Variants in THEMIS observed in about 807,000 individuals in gnomAD.
The protein encoded by THEMIS is protein THEMIS.
A neutral mutation model predicts 52.6 loss-of-function variants in THEMIS; 37 were observed. The ratio of observed to expected loss-of-function variants is 0.70; its 90% confidence interval spans 0.54 to 0.93. The LOEUF (loss-of-function observed/expected upper bound fraction) is 0.93, where lower values mean the gene tolerates loss of function less well. Among genes scored for constraint, THEMIS ranks in the 40% least tolerant of loss-of-function variants. The pLI is 0.00. For missense variants in THEMIS, 808 were observed against 763.1 expected (o/e 1.06, Z -0.69); for synonymous variants, 292 against 272.7 (o/e 1.07, Z -0.70).
intron 4 of THEMIS, among the ~76,000 whole-genome samples, chr6:127,764,398 A>C (rs1025489515): frequency 3.0e-4 from 45 of 152,106 alleles, no homozygotes; most frequent in African/African-American, 1.1e-3. Context: ...TTAAAACATT[A>C]AAAAGTGGTT....
chr6:127,766,051 T>C (rs1378366707), intron 4 of THEMIS, among the ~76,000 whole-genome samples: 1 of 152,126 alleles, frequency 6.6e-6, no homozygotes, highest in Non-Finnish European at 1.5e-5. Flanking sequence ...CAGATCAAAA[T>C]TTAGCACCCC....
intron 4 of THEMIS, among the ~76,000 whole-genome samples, chr6:127,727,484 T>A (rs1336622929): frequency 1.3e-5 from 2 of 152,164 alleles, no homozygotes; most frequent in African/African-American, 4.8e-5. Context: ...AACTGTGGTG[T>A]ACTTTATAAT....
chr6:127,715,130 A>G (rs1774112655), intron 5 of THEMIS, among the ~76,000 whole-genome samples: 1 of 151,952 alleles, frequency 6.6e-6, no homozygotes. Context: ...ATAGGTTGCT[A>G]TAAAATGAAG....
At chr6:127,752,868 A>C (rs993667739) in intron 4 of THEMIS, among the ~76,000 whole-genome samples, 2 of 151,910 alleles carry the variant, frequency 1.3e-5, no homozygotes, top group African/African-American at 4.8e-5. Context: ...ACAAGAACCC[A>C]AAAAATAGAA....
chr6:127,901,336 C>T (rs1781129538), upstream of THEMIS, among the ~76,000 whole-genome samples: 1 of 152,118 alleles, frequency 6.6e-6, no homozygotes, highest in East Asian at 1.9e-4. Context: ...CAACAAAGAA[C>T]AGGAATATAG....
chr6:127,728,188 C>A (rs978061127), intron 4 of THEMIS, among the ~76,000 whole-genome samples: 1 of 152,092 alleles, frequency 6.6e-6, no homozygotes, highest in African/African-American at 2.4e-5. Context: ...CCTCATTGTT[C>A]GTCAGAATTT....
intron 3 of THEMIS, among the ~76,000 whole-genome samples, chr6:127,822,820 T>A (rs561127595): frequency 7.2e-5 from 11 of 152,034 alleles, no homozygotes; most frequent in Non-Finnish European, 1.5e-4. Context: ...CAGTTGGTGG[T>A]CTTAAGAGCA....
At chr6:127,712,123 C>G (rs1403709418) in intron 5 of THEMIS, among the ~76,000 whole-genome samples, 2 of 151,940 alleles carry the variant, frequency 1.3e-5, no homozygotes, top group African/African-American at 4.8e-5. Context: ...AATCTGTCAT[C>G]TTGACAGTTA....
intron 4 of THEMIS, among the ~76,000 whole-genome samples, chr6:127,762,337 T>C (rs965987087): frequency 1.3e-5 from 2 of 152,070 alleles, no homozygotes; most frequent in African/African-American, 4.8e-5. Flanking sequence ...ATGGTATCTA[T>C]ATTCAACAAT....
At chr6:127,748,922 C>A (rs1326197840) in intron 4 of THEMIS, among the ~76,000 whole-genome samples, 2 of 151,956 alleles carry the variant, frequency 1.3e-5, no homozygotes, top group East Asian at 3.9e-4. Context: ...GATGTGAGCA[C>A]CCATCTTAGT....
In THEMIS at chr6:127,813,495, G is replaced by T; in HGVS notation, c.1146C>A (p.Ser382=). Residue 382 remains serine, a synonymous_variant, in exon 4 of 6, where the codon TCC becomes TCA. Transcript: ENST00000368248. ...CCAGAAACTGGTCCCCAACAGATAC[G>T]GATGACAGCTTGTCATGAGGGGAAT... The part of the protein sequence containing the change: ...AFHSPHDKLS[S]VSVGDQFLVH... 6.2e-7 allele frequency: 1 copy of T among 1,613,860 alleles called. No homozygotes were observed. Among genetic ancestry groups the T allele is most frequent in the South Asian group, 1.1e-5 (1 of 91,038 alleles).
chr6:127,816,724 C>T (rs1163913490), intron 3 of THEMIS, among the ~76,000 whole-genome samples: 1 of 152,144 alleles, frequency 6.6e-6, no homozygotes, highest in Non-Finnish European at 1.5e-5. Context: ...TAATTTATGT[C>T]TGTCTTCTGT....
intron 4 of THEMIS, among the ~76,000 whole-genome samples, chr6:127,779,771 G>T (rs1318921342): frequency 1.3e-5 from 2 of 152,048 alleles, no homozygotes; most frequent in East Asian, 3.9e-4. Flanking sequence ...GCCTTTAGTT[G>T]CTCCACCAGT....
chr6:127,843,089 A>C (rs924386453), intron 2 of THEMIS, among the ~76,000 whole-genome samples: 3 of 152,012 alleles, frequency 2.0e-5, no homozygotes, highest in Non-Finnish European at 4.4e-5. Context: ...TAAATCTATG[A>C]AACATATGAA....
intron 4 of THEMIS, among the ~76,000 whole-genome samples, chr6:127,785,108 A>G (rs1325910298): frequency 1.3e-5 from 2 of 151,330 alleles, no homozygotes; most frequent in Non-Finnish European, 3.0e-5. Context: ...TCATCTATCT[A>G]CCTACCTAAT....
intron 4 of THEMIS, among the ~76,000 whole-genome samples, chr6:127,734,896 A>AAAAAAAATATATAT (rs1554216674): frequency 1.5e-5 from 1 of 65,424 alleles, no homozygotes; most frequent in African/African-American, 5.5e-5. Context: ...AAAAAAAAAA[A>AAAAAAAATATATAT]ATATATATAT....
At chr6:127,717,878 G>A (rs538829091) in intron 5 of THEMIS, among the ~76,000 whole-genome samples, 17 of 149,638 alleles carry the variant, frequency 1.1e-4, no homozygotes, top group African/African-American at 3.7e-4. Context: ...TGTTACTCTC[G>A]TCAAAGAGAA....
intron 4 of THEMIS, among the ~76,000 whole-genome samples, chr6:127,785,448 T>C (rs1294222885): frequency 6.6e-6 from 1 of 150,882 alleles, no homozygotes; most frequent in East Asian, 1.9e-4. Flanking sequence ...ACATGTACCC[T>C]AAAACTTAAA....
At chr6:127,799,719 C>T (rs1300618261) in intron 4 of THEMIS, among the ~76,000 whole-genome samples, 1 of 152,098 alleles carries the variant, frequency 6.6e-6, no homozygotes, top group Non-Finnish European at 1.5e-5. Context: ...TACACACGGA[C>T]TATGATTTTC....
Sources: gnomAD v4.1 joint callset for allele counts (sites outside exome capture counted in the v4.1 genomes callset) on GRCh38, gnomAD v4.1.1 for gene constraint, MANE v1.5 for transcripts, NCBI Gene and HGNC (gene_info 2026-07-23, HGNC 2026-07-21) for gene names.